Variants in BMPR1B observed in about 807,000 individuals in gnomAD.
BMPR1B encodes the protein bone morphogenetic protein receptor type 1B, also known as bone morphogenetic protein receptor type-1B.
BMPR1B carries 12 observed loss-of-function variants against 59.1 expected under a neutral mutation model. The observed-to-expected ratio is 0.20, with a 90% CI of 0.13 to 0.33. The LOEUF is 0.33. BMPR1B is among the 10% of genes least tolerant of loss of function. BMPR1B has a pLI of 1.00. For synonymous variants in BMPR1B, 237 were observed against 207.3 expected (o/e 1.14, Z -1.23); for missense variants, 550 against 610.9 (o/e 0.90, Z 1.05).
intron 1 of BMPR1B, among the ~76,000 whole-genome samples, chr4:94,839,301 T>A (rs1724949173): frequency 7.2e-6 from 1 of 138,164 alleles, no homozygotes; most frequent in African/African-American, 2.7e-5. Context: ...CTGAGTTCAA[T>A]TCCTGGGTAT....
chr4:95,061,282 A>T lies in BMPR1B; in HGVS notation c.-17-43126A>T, dbSNP rs1041278735. 2.6e-5 allele frequency among the ~76,000 whole-genome samples: 4 copies of T among 152,002 alleles called. No individual in the cohort carries two copies. The South Asian group carries it at 8.3e-4, about 32-fold the overall frequency. Reference sequence around the variant, plus strand: ...TAAAATTAAAAGAGAGTAAGAGAAGAGGCATTCCAAATGCTTGGGATTGCC... The same window carrying T: ...TAAAATTAAAAGAGAGTAAGAGAAGTGGCATTCCAAATGCTTGGGATTGCC... On this transcript the variant is annotated intron_variant, in intron 3 of 12. Coordinates refer to ENST00000515059, the MANE Select transcript of BMPR1B (RefSeq NM_001203.3).
rs11436086 is a variant in BMPR1B at position 95,154,962 on chromosome 4, C to CTT, written c.*301_*302dup. 1.9e-3 allele frequency: 528 copies of CTT among 282,694 alleles called. No homozygotes were observed. The highest frequency in any genetic ancestry group is 4.4e-3 in the East Asian group (57 of 13,100). 17.5% of individuals were successfully genotyped at this position (282,694 alleles called of 1,614,324 possible). ...AGAAAGCCCTGTATTTTGTGATTGC[C>CTT]TTTTTTTTTTTTTAAGATGCTTTCA... On this transcript the variant is annotated 3_prime_UTR_variant, in exon 13 of 13. Coordinates refer to ENST00000515059, the MANE Select transcript of BMPR1B (RefSeq NM_001203.3).
At chr4:94,995,548 A>G (rs1722003822) in intron 2 of BMPR1B, among the ~76,000 whole-genome samples, 1 of 152,250 alleles carries the variant, frequency 6.6e-6, no homozygotes. Flanking sequence ...GACTTTTATA[A>G]AGGGTTTGAG....
chr4:94,910,995 A>T (rs1400276084), intron 2 of BMPR1B, among the ~76,000 whole-genome samples: 1 of 152,156 alleles, frequency 6.6e-6, no homozygotes, highest in Non-Finnish European at 1.5e-5. Flanking sequence ...CTCACCCAGT[A>T]CTTACGTGAA....
intron 2 of BMPR1B, among the ~76,000 whole-genome samples, chr4:94,988,864 T>G (rs542620043): frequency 4.6e-5 from 7 of 151,926 alleles, no homozygotes; most frequent in East Asian, 1.9e-4. Flanking sequence ...CCCTTTTTTT[T>G]GGGAAAAGAA....
intron 1 of BMPR1B, among the ~76,000 whole-genome samples, chr4:94,797,450 A>G (rs976416705): frequency 2.0e-5 from 3 of 152,244 alleles, no homozygotes; most frequent in South Asian, 2.1e-4. Context: ...TGAAGTGTCT[A>G]TTCTGTAAAC....
intron 3 of BMPR1B, among the ~76,000 whole-genome samples, chr4:95,054,086 A>G (rs562115894): frequency 1.3e-5 from 2 of 152,346 alleles, no homozygotes; most frequent in Admixed American, 6.5e-5. Context: ...TTTAAAATAA[A>G]TGTCTTTCAA....
At chr4:95,129,791 C>A in intron 8 of BMPR1B, 71 bp from the exon 9 acceptor site, 1 of 1,502,742 alleles carries the variant, frequency 6.7e-7, no homozygotes, top group South Asian at 1.2e-5. Flanking sequence ...CGTTTCTTCT[C>A]TGGAGAAAAA....
chr4:94,994,990 C>T (rs1721973405), intron 2 of BMPR1B, among the ~76,000 whole-genome samples: 1 of 152,058 alleles, frequency 6.6e-6, no homozygotes, highest in African/African-American at 2.4e-5. Flanking sequence ...ACCAGAGTCT[C>T]CCAAAAGTTT....
At chr4:95,140,171 T>C (rs143622018) in intron 10 of BMPR1B, among the ~76,000 whole-genome samples, 2 of 152,312 alleles carry the variant, frequency 1.3e-5, no homozygotes, top group East Asian at 3.9e-4. Flanking sequence ...TGACTACTTA[T>C]TTGTCATTCC....
intron 3 of BMPR1B, among the ~76,000 whole-genome samples, chr4:95,043,219 C>CTCACAGTT (rs1725797105): frequency 6.9e-6 from 1 of 145,130 alleles, no homozygotes; most frequent in African/African-American, 2.6e-5. Flanking sequence ...AAAGAATTAC[C>CTCACAGTT]TCACAGTTTA....
chr4:94,864,746 T>C (rs1289886551), intron 1 of BMPR1B, among the ~76,000 whole-genome samples: 2 of 152,170 alleles, frequency 1.3e-5, no homozygotes, highest in Admixed American at 1.3e-4. Context: ...TAAATAGTTA[T>C]ACTATATTGC....
intron 1 of BMPR1B, among the ~76,000 whole-genome samples, chr4:94,830,033 T>C: frequency 6.6e-6 from 1 of 152,210 alleles, no homozygotes; most frequent in East Asian, 1.9e-4. Context: ...TGAGACTTAT[T>C]ATGTAAGTAT....
rs116361181 is a variant in BMPR1B at position 94,999,616 on chromosome 4, G to A, written c.-18+3482G>A. Among the ~76,000 whole-genome samples, 1,071 of 152,238 alleles carry A rather than the reference G, an allele frequency of 7.0e-3. 10 individuals are homozygous for A. The highest frequency in any genetic ancestry group is 0.023 in the African/African-American group (955 of 41,526). On this transcript the variant is annotated intron_variant, in intron 3 of 12. Coordinates refer to ENST00000515059, the MANE Select transcript of BMPR1B (RefSeq NM_001203.3). ...AAAAAACCAGCTAGTTGCTGTGGCC[G>A]TGTTGACTGCTGTGGTAAATTAAGT...
chr4:95,038,235 G>A (rs551919673), intron 3 of BMPR1B, among the ~76,000 whole-genome samples: 5 of 152,272 alleles, frequency 3.3e-5, no homozygotes, highest in African/African-American at 1.2e-4. Context: ...TTGAGGAACA[G>A]GATGAAGAAG....
intron 3 of BMPR1B, among the ~76,000 whole-genome samples, chr4:95,026,001 C>T (rs144063935): frequency 6.6e-6 from 1 of 152,280 alleles, no homozygotes; most frequent in African/African-American, 2.4e-5. Flanking sequence ...CACAAGTACA[C>T]CTGAGGGTAC....
In BMPR1B at chr4:95,123,872, C is replaced by T; in HGVS notation, c.412C>T (p.Leu138Phe). 6.2e-7 allele frequency: 1 copy of T among 1,612,012 alleles called. No homozygotes were observed. Among genetic ancestry groups the T allele is most frequent in the Non-Finnish European group, 8.5e-7 (1 of 1,179,162 alleles). ...LLISVTVCSL[L>F]LVLIILFCYF... ...TATATCTGTGACTGTCTGTAGTTTG[C>T]TCTTGGTCCTTATCATATTATTTTG... is the stretch of plus-strand genomic sequence containing the variant. Residue 138 changes from leucine to phenylalanine, a missense_variant, in exon 7 of 13, where the codon CTC becomes TTC. Leu to Phe is a conservative substitution (Grantham distance 22). This residue lies in a region of BMPR1B where 318 missense variants were observed against 284.6 expected (regional missense o/e 1.12). Transcript: ENST00000515059.
intron 3 of BMPR1B, among the ~76,000 whole-genome samples, chr4:95,002,742 T>G (rs1722541268): frequency 6.6e-6 from 1 of 152,188 alleles, no homozygotes; most frequent in Non-Finnish European, 1.5e-5. Flanking sequence ...CCCTTTGTGA[T>G]AATTTTCGAT....
rs920955183 is a variant in BMPR1B at position 95,131,150 on chromosome 4, A to G, written c.779-65A>G. ...TATCTATGACAAAGAATGATGTTTG[A>G]GAATATGAATTATTCCTGATACTAT... On this transcript the variant is annotated intron_variant, in intron 9 of 12. Coordinates refer to ENST00000515059, the MANE Select transcript of BMPR1B (RefSeq NM_001203.3). 2.6e-5 allele frequency: 39 copies of G among 1,472,838 alleles called. No homozygotes were observed. In the Admixed American group the frequency reaches 7.0e-4, roughly 26 times the overall value. 91.2% of individuals were successfully genotyped at this position (1,472,838 alleles called of 1,614,324 possible).
Sources: allele counts gnomAD v4.1 joint callset (sites outside exome capture counted in the v4.1 genomes callset), GRCh38; gene constraint gnomAD v4.1.1; regional missense constraint gnomAD v4.1.1; transcripts MANE v1.5; gene names NCBI Gene and HGNC (gene_info 2026-07-23, HGNC 2026-07-21).